The following SNAP91 variants were observed in gnomAD, a reference collection of about 807,000 sequenced individuals.
The protein encoded by SNAP91 is synaptosome associated protein 91, also known as clathrin coat assembly protein AP180.
A neutral mutation model predicts 100.3 loss-of-function variants in SNAP91; 27 were observed. The ratio of observed to expected loss-of-function variants is 0.27; its 90% CI spans 0.20 to 0.37. The LOEUF (loss-of-function observed/expected upper bound fraction) is 0.37. Ranked by LOEUF, SNAP91 falls within the 10% of genes least tolerant of loss-of-function variation. The pLI, the probability that SNAP91 is intolerant of heterozygous loss-of-function variation, is 1.00. For synonymous variants in SNAP91, 404 were observed against 398.6 expected (o/e 1.01, Z -0.16); for missense variants, 986 against 1,123.7 (o/e 0.88, Z 1.75).
intron 26 of SNAP91, among the ~76,000 whole-genome samples, chr6:83,568,094 C>G (rs545280771): frequency 2.0e-5 from 3 of 151,582 alleles, no homozygotes; most frequent in Admixed American, 1.3e-4. Context: ...TGGAACCAAC[C>G]AAAATGTCCA....
intron 3 of SNAP91, among the ~76,000 whole-genome samples, chr6:83,664,324 T>A (rs1472555276): frequency 6.6e-6 from 1 of 152,164 alleles, no homozygotes; most frequent in Non-Finnish European, 1.5e-5. Flanking sequence ...ATTCCTCTGA[T>A]GGATGTGGGC....
At chr6:83,614,722 T>C in intron 11 of SNAP91, 135 bp downstream of exon 11, 1 of 590,682 alleles carries the variant, frequency 1.7e-6, no homozygotes, top group Non-Finnish European at 2.8e-6. Flanking sequence ...TAAAGCATAA[T>C]GAAAAAACAC....
intron 14 of SNAP91, among the ~76,000 whole-genome samples, 180 bp downstream of exon 14, chr6:83,605,505 T>G (rs2095553825): frequency 6.6e-6 from 1 of 152,176 alleles, no homozygotes; most frequent in South Asian, 2.1e-4. Flanking sequence ...TACAGGCACT[T>G]TCTCTGTCTC....
chr6:83,564,243 CAATAT>C (rs1793113770), intron 26 of SNAP91, among the ~76,000 whole-genome samples: 1 of 151,842 alleles, frequency 6.6e-6, no homozygotes. Context: ...TTATCCAGCC[CAATAT>C]GTCAGACGGT....
At chr6:83,583,146 T>C (rs560096941) in intron 22 of SNAP91, among the ~76,000 whole-genome samples, 35 of 152,286 alleles carry the variant, frequency 2.3e-4, no homozygotes, top group Non-Finnish European at 4.7e-4. Flanking sequence ...ATGCCTGCTC[T>C]GGGAGGACTT....
Position 83,661,616 on chromosome 6 carries a change from G to T in SNAP91, c.350-12C>A. 1 of 1,456,436 alleles carries T rather than the reference G, an allele frequency of 6.9e-7. No homozygotes were observed. The highest frequency in any genetic ancestry group is 9.4e-7 in the Non-Finnish European group (1 of 1,058,712). The allele number at this position is 1,456,436 out of a possible 1,614,324, so 90.2% of individuals were successfully genotyped here. On this transcript the variant is annotated splice_polypyrimidine_tract_variant and intron_variant, in intron 4 of 29. Coordinates refer to ENST00000369694, the MANE Select transcript of SNAP91 (RefSeq NM_001242792.2). Reference sequence around the variant, plus strand: ...AGACATATCATAACCTGGGAGAGTGGAAAGAAGAAATAAAACTAATTAATA... The same window carrying T: ...AGACATATCATAACCTGGGAGAGTGTAAAGAAGAAATAAAACTAATTAATA...
Position 83,610,695 on chromosome 6 carries a change from A to T in SNAP91, c.885-18T>A. 2.0e-6 allele frequency: 1 copy of T among 497,698 alleles called. No individual in the cohort carries two copies. Among genetic ancestry groups the T allele is most frequent in the Admixed American group, 3.0e-5 (1 of 33,394 alleles). 30.8% of individuals were successfully genotyped at this position (497,698 alleles called of 1,614,324 possible). A position where few individuals can be genotyped will look rare whatever the true frequency, so the allele number is the denominator to read the frequency against. ...CACCAGATCTAAAAGGCAACATAAA[A>T]AAAAATTAAAACTGAATATATATAT... On this transcript the variant is annotated intron_variant, in intron 11 of 29. Transcript: ENST00000369694.
At chr6:83,693,931 C>T (rs1447301081) in intron 2 of SNAP91, among the ~76,000 whole-genome samples, 2 of 152,164 alleles carry the variant, frequency 1.3e-5, no homozygotes, top group Non-Finnish European at 2.9e-5. Flanking sequence ...AGTGTCAACA[C>T]TGATTGACAG....
chr6:83,681,186 C>T (rs1436263542), intron 2 of SNAP91, among the ~76,000 whole-genome samples: 2 of 152,126 alleles, frequency 1.3e-5, no homozygotes, highest in African/African-American at 2.4e-5. Context: ...TTAACACCAT[C>T]AGCAATTTTA....
chr6:83,685,168 C>A (rs947462660), intron 2 of SNAP91, among the ~76,000 whole-genome samples: 1 of 152,162 alleles, frequency 6.6e-6, no homozygotes, highest in African/African-American at 2.4e-5. Flanking sequence ...TCAGAATATA[C>A]CCCATGTTAA....
chr6:83,707,765 G>A, intron 2 of SNAP91, 33 bp downstream of exon 2: 1 of 1,610,610 alleles, frequency 6.2e-7, no homozygotes, highest in Non-Finnish European at 8.5e-7. Flanking sequence ...CCTCTGCCGT[G>A]CGCATGTCCC....
chr6:83,706,186 T>C (rs1273237428), intron 2 of SNAP91, among the ~76,000 whole-genome samples: 2 of 152,270 alleles, frequency 1.3e-5, no homozygotes, highest in East Asian at 1.9e-4. Context: ...ATCAGTATAC[T>C]GATTTATCAT....
rs190622812 is a variant in SNAP91, at chr6:83,652,980, G to C, written c.658+3774C>G. Among the ~76,000 whole-genome samples, 818 of 152,264 alleles carry C rather than the reference G, an allele frequency of 5.4e-3. 4 individuals carry two copies. The highest frequency in any genetic ancestry group is 0.019 in the African/African-American group (773 of 41,546). On this transcript the variant is annotated intron_variant, in intron 7 of 29. Coordinates refer to ENST00000369694, the MANE Select transcript of SNAP91 (RefSeq NM_001242792.2). Reference sequence around the variant, plus strand: ...AAATTCTTATTTTTGCTCCTCCACAGACAAGGTGTTTTCTCCCTCTGGCTT... The same window carrying C: ...AAATTCTTATTTTTGCTCCTCCACACACAAGGTGTTTTCTCCCTCTGGCTT...
chr6:83,615,242 T>A (rs2096411350), intron 10 of SNAP91, among the ~76,000 whole-genome samples: 1 of 152,092 alleles, frequency 6.6e-6, no homozygotes, highest in African/African-American at 2.4e-5. Flanking sequence ...CACTGATAGA[T>A]TTAACAAAAA....
intron 28 of SNAP91, among the ~76,000 whole-genome samples, chr6:83,557,517 A>T (rs913154372): frequency 7.3e-5 from 11 of 150,080 alleles, no homozygotes; most frequent in Admixed American, 3.3e-4. Context: ...AAAATAATAA[A>T]AAAAAAAATA....
chr6:83,623,228 T>G, intron 9 of SNAP91, 73 bp downstream of exon 9: 4 of 1,189,966 alleles, frequency 3.4e-6, no homozygotes, highest in Non-Finnish European at 4.9e-6. Context: ...CTTACAAGAC[T>G]ATGCCCATTT....
chr6:83,665,396 G>A (rs1298695320), intron 3 of SNAP91, 43 bp downstream of exon 3: 4 of 1,581,384 alleles, frequency 2.5e-6, no homozygotes, highest in Non-Finnish European at 3.4e-6. Flanking sequence ...CTTCCTAAAA[G>A]CCTCCTTCCT....
At chr6:83,679,581 G>T (rs991890327) in intron 2 of SNAP91, among the ~76,000 whole-genome samples, 1 of 152,078 alleles carries the variant, frequency 6.6e-6, no homozygotes, top group Non-Finnish European at 1.5e-5. Flanking sequence ...GCACATCTGA[G>T]ATCCTTGACC....
chr6:83,570,212 C>T (rs1277606588), intron 26 of SNAP91, among the ~76,000 whole-genome samples: 1 of 151,940 alleles, frequency 6.6e-6, no homozygotes, highest in Non-Finnish European at 1.5e-5. Flanking sequence ...TGCCCCTGCC[C>T]CAGAGATTTG....
Sources: allele counts gnomAD v4.1 joint callset (sites outside exome capture counted in the v4.1 genomes callset), GRCh38; gene constraint gnomAD v4.1.1; transcripts MANE v1.5; gene names NCBI Gene and HGNC (gene_info 2026-07-23, HGNC 2026-07-21).